STC1: variants seen among roughly 807,000 people sequenced by gnomAD.
STC1 encodes stanniocalcin-1.
STC1 carries 7 observed loss-of-function variants against 22.6 expected under a neutral mutation model. The ratio of observed to expected loss-of-function variants is 0.31; its 90% CI spans 0.18 to 0.58. The LOEUF (loss-of-function observed/expected upper bound fraction) is 0.58, where lower values mean the gene tolerates loss of function less well. Ranked by LOEUF, STC1 falls within the 20% of genes least tolerant of loss-of-function variation. STC1 has a pLI of 0.89. For synonymous variants in STC1, 113 were observed against 120.7 expected, an observed-to-expected ratio of 0.94 and a Z score of 0.42; for missense variants, 224 against 311.0, an observed-to-expected ratio of 0.72 and a Z score of 2.10.
At chr8:23,846,607 C>T (rs867043702) in intron 3 of STC1, among the ~76,000 whole-genome samples, 2 of 152,142 alleles carry the variant, frequency 1.3e-5, no homozygotes, top group Admixed American at 6.5e-5. Flanking sequence ...TAGCATGGAA[C>T]GTGGGTAATG....
intron 3 of STC1, among the ~76,000 whole-genome samples, chr8:23,849,046 C>G (rs1802606204): frequency 1.3e-5 from 2 of 152,206 alleles, no homozygotes; most frequent in South Asian, 4.1e-4. Flanking sequence ...TACCTCTTTA[C>G]CCTCTAGGTG....
chr8:23,854,190 C>A, intron 1 of STC1: 1 of 1,185,110 alleles, frequency 8.4e-7, no homozygotes, highest in Admixed American at 2.9e-5. Flanking sequence ...GAAATACCCT[C>A]AGCAGAGCGT....
chr8:23,851,496 G>T lies in STC1; in HGVS notation c.297C>A (p.Ile99=). The part of the protein sequence containing the change: ...KAFVKESLKC[I]ANGVTSKVFL... ...AGACCTTGGAGGTGACCCCGTTGGC[G>T]ATGCATTTTAAGCTCTCTTTGACGA... The change falls in exon 3 of 4, where the codon ATC becomes ATA. Residue 99 remains isoleucine (I), a synonymous_variant. Coordinates refer to ENST00000290271, the MANE Select transcript of STC1 (RefSeq NM_003155.3). 1.2e-6 allele frequency: 2 copies of T among 1,614,130 alleles called. No individual in the cohort carries two copies. The highest frequency in any genetic ancestry group is 1.7e-6 in the Non-Finnish European group (2 of 1,180,022).
intron 1 of STC1, chr8:23,854,148 G>T: frequency 7.8e-7 from 1 of 1,283,516 alleles, no homozygotes; most frequent in South Asian, 2.0e-5. Context: ...GTACGTGCCA[G>T]ATTTCAGGCA....
rs774315422 is a variant in STC1 at position 23,854,705 on chromosome 8, C to CGCT, written c.-185_-183dup. The stretch of plus-strand genomic sequence containing the variant: ...ATGCTGCTGCTGCCACCGGTGCCTC[C>CGCT]GCTGCTGCTGCTGCTGCCGCCGCTG... On this transcript the variant is annotated 5_prime_UTR_variant, in exon 1 of 4. Coordinates refer to ENST00000290271, the MANE Select transcript of STC1 (RefSeq NM_003155.3). 3.7e-5 allele frequency: 26 copies of CGCT among 693,906 alleles called. No homozygotes were observed. Among genetic ancestry groups the CGCT allele is most frequent in the East Asian group, 5.4e-5 (2 of 37,160 alleles). The allele number at this position is 693,906 out of a possible 1,614,324, so 43.0% of individuals were successfully genotyped here. A position where few individuals can be genotyped will look rare whatever the true frequency, so the allele number is the denominator to read the frequency against.
At chr8:23,851,693 A>T (rs1210409717) in intron 2 of STC1, among the ~76,000 whole-genome samples, 162 bp from the exon 3 acceptor site, 1 of 151,636 alleles carries the variant, frequency 6.6e-6, no homozygotes, top group African/African-American at 2.4e-5. Context: ...AGGATTGAAA[A>T]AAAAAAAAGC....
chr8:23,845,062 A>C lies in STC1; in HGVS notation c.474-22T>G, dbSNP rs761027898. The C allele has an allele frequency of 9.3e-6, 15 of 1,610,956 alleles. No individual in the cohort carries two copies. The South Asian group carries it at 1.4e-4, about 15-fold the overall frequency. ...GTATCTGCATCAAGAAAGAGAGTGC[A>C]TATGGTGGTCACCCAGTGAGAGCCC... On this transcript the variant is annotated intron_variant, in intron 3 of 3. Transcript: ENST00000290271.
chr8:23,854,544 AGTTGTTGG>A lies in STC1; in HGVS notation c.-29_-22del. 1.3e-6 allele frequency: 2 copies of A among 1,593,570 alleles called. No homozygotes were observed. The highest frequency in any genetic ancestry group is 1.7e-6 in the Non-Finnish European group (2 of 1,168,412). ...AGCATTCTCTGAGAAGTTTCCGCTA[AGTTGTTGG>A]GTTTTTTTTTTTTCCTGCCCCCCTT... On this transcript the variant is annotated 5_prime_UTR_variant, in exon 1 of 4. Transcript: ENST00000290271.
chr8:23,846,242 A>G (rs997765773), intron 3 of STC1, among the ~76,000 whole-genome samples: 3 of 152,214 alleles, frequency 2.0e-5, no homozygotes, highest in African/African-American at 7.2e-5. Context: ...TGGCTCAGAA[A>G]GGATTAAACT....
At chr8:23,851,920 C>T (rs1202119256) in intron 2 of STC1, among the ~76,000 whole-genome samples, 1 of 152,108 alleles carries the variant, frequency 6.6e-6, no homozygotes, top group Non-Finnish European at 1.5e-5. Flanking sequence ...TTTTTATGTC[C>T]TCTTACAGAG....
At chr8:23,847,073 C>A (rs140787526) in intron 3 of STC1, among the ~76,000 whole-genome samples, 1 of 152,304 alleles carries the variant, frequency 6.6e-6, no homozygotes, top group African/African-American at 2.4e-5. Context: ...TTAACCCTTC[C>A]ATTTCTAGAA....
intron 1 of STC1, 46 bp downstream of exon 1, chr8:23,854,360 A>T: frequency 1.3e-6 from 2 of 1,530,432 alleles, no homozygotes; most frequent in South Asian, 2.2e-5. Context: ...GAGGCAAATG[A>T]GGACAGCTCT....
chr8:23,851,714 T>C (rs1388312227), intron 2 of STC1, among the ~76,000 whole-genome samples, 183 bp from the exon 3 acceptor site: 1 of 148,638 alleles, frequency 6.7e-6, no homozygotes, highest in African/African-American at 2.5e-5. Context: ...CCTCTCCCCA[T>C]CTCCCTGGAT....
At chr8:23,851,123 T>C (rs1418013823) in intron 3 of STC1, among the ~76,000 whole-genome samples, 197 bp downstream of exon 3, 2 of 151,732 alleles carry the variant, frequency 1.3e-5, no homozygotes, top group Non-Finnish European at 2.9e-5. Context: ...CCTATAACAG[T>C]AGGGAAAAAA....
At chr8:23,847,897 G>A (rs1802591854) in intron 3 of STC1, among the ~76,000 whole-genome samples, 3 of 152,144 alleles carry the variant, frequency 2.0e-5, no homozygotes, top group Non-Finnish European at 2.9e-5. Context: ...AATTGTGCTT[G>A]GTATTCTATT....
intron 3 of STC1, among the ~76,000 whole-genome samples, chr8:23,846,600 C>G (rs1802576363): frequency 6.6e-6 from 1 of 152,138 alleles, no homozygotes. Flanking sequence ...TGGTAAATAG[C>G]ATGGAACGTG....
chr8:23,854,467 A>G lies in STC1; in HGVS notation c.57T>C (p.His19=). 1.2e-6 allele frequency: 2 copies of G among 1,613,902 alleles called. No individual in the cohort carries two copies. Among genetic ancestry groups the G allele is most frequent in the Non-Finnish European group, 1.7e-6 (2 of 1,180,002 alleles). The part of the protein sequence containing the change: ...LVLVISASAT[H]EAEQNDSVSP... ...TCACAGAGTCATTCTGCTCCGCCTC[A>G]TGGGTTGCAGAAGCACTGATCACCA... The change falls in exon 1 of 4, where the codon CAT becomes CAC. Residue 19 remains histidine, a synonymous_variant. Coordinates refer to ENST00000290271, the MANE Select transcript of STC1 (RefSeq NM_003155.3).
rs774332641 is a variant in STC1, at chr8:23,845,045, A to C, written c.474-5T>G. The C allele has an allele frequency of 1.9e-6, 3 of 1,613,526 alleles. No homozygotes were observed. Among genetic ancestry groups the C allele is most frequent in the African/African-American group, 2.7e-5 (2 of 74,922 alleles). ...CGGACAAGTCTGTTATAGTATCTGC[A>C]TCAAGAAAGAGAGTGCATATGGTGG... On this transcript the variant is annotated splice_polypyrimidine_tract_variant and splice_region_variant and intron_variant, in intron 3 of 3. Transcript: ENST00000290271.
chr8:23,852,688 G>C (rs940777074), intron 1 of STC1, among the ~76,000 whole-genome samples: 1 of 152,198 alleles, frequency 6.6e-6, no homozygotes, highest in South Asian at 2.1e-4. Context: ...GTCTGGAAAT[G>C]CACAGTGCCT....
Sources: gnomAD v4.1 joint callset for allele counts (sites outside exome capture counted in the v4.1 genomes callset) on GRCh38, gnomAD v4.1.1 for gene constraint, MANE v1.5 for transcripts, NCBI Gene and HGNC (gene_info 2026-07-23, HGNC 2026-07-21) for gene names.